ADD2: variants seen among roughly 807,000 people sequenced by gnomAD.
ADD2 encodes beta-adducin.
ADD2 carries 23 observed loss-of-function variants against 83.0 expected under a neutral mutation model. That is an observed-to-expected ratio of 0.28 (90% CI 0.20 to 0.39). ADD2 has a LOEUF of 0.39. ADD2 is among the 10% of genes least tolerant of loss of function. The pLI is 1.00. For missense variants in ADD2, 758 were observed against 944.9 expected (o/e 0.80, Z 2.59); for synonymous variants, 375 against 375.4 (o/e 1.00, Z 0.01).
At position 70,672,820 on chromosome 2, in the gene ADD2, T is replaced by C. The variant is rs1471653970; in HGVS notation, c.1870+58A>G. 1.9e-6 allele frequency: 3 copies of C among 1,548,186 alleles called. No homozygotes were observed. The African/African-American group carries it at 4.1e-5, about 21-fold the overall frequency. Reference sequence around the variant, plus strand: ...CAACACGAGTGGAAGGCAGGGCACCTTCCCAGCCTGCAGATGCACCCCTCT... The same window carrying C: ...CAACACGAGTGGAAGGCAGGGCACCCTCCCAGCCTGCAGATGCACCCCTCT... On this transcript the variant is annotated intron_variant, in intron 15 of 15. Transcript: ENST00000264436.
intron 1 of ADD2, among the ~76,000 whole-genome samples, chr2:70,758,589 G>A (rs1553384303): frequency 6.6e-6 from 1 of 152,068 alleles, no homozygotes; most frequent in Non-Finnish European, 1.5e-5. Flanking sequence ...TTAGATTTTT[G>A]TTTTAAAAAG....
chr2:70,736,778 T>G (rs1329105551), intron 1 of ADD2, among the ~76,000 whole-genome samples: 1 of 148,498 alleles, frequency 6.7e-6, no homozygotes, highest in Non-Finnish European at 1.5e-5. Flanking sequence ...GTGTTGCTGT[T>G]TTTTTTTTTT....
intron 9 of ADD2, chr2:70,687,143 T>A (rs1164795299): frequency 1.3e-5 from 2 of 152,274 alleles, no homozygotes; most frequent in Non-Finnish European, 2.9e-5. Context: ...GGGCCCCACG[T>A]CTACAGTTGA....
intron 1 of ADD2, among the ~76,000 whole-genome samples, chr2:70,717,199 G>A (rs975020769): frequency 2.6e-5 from 4 of 151,928 alleles, no homozygotes; most frequent in Non-Finnish European, 4.4e-5. Context: ...TAGGAGGGCA[G>A]CTGGAGACTA....
intron 1 of ADD2, among the ~76,000 whole-genome samples, chr2:70,723,575 A>C (rs1439877416): frequency 6.6e-6 from 1 of 152,160 alleles, no homozygotes; most frequent in Non-Finnish European, 1.5e-5. Flanking sequence ...TTTTTAGCTG[A>C]TACGCACTTT....
chr2:70,688,413 A>T (rs1403861379), intron 8 of ADD2, among the ~76,000 whole-genome samples: 1 of 152,272 alleles, frequency 6.6e-6, no homozygotes, highest in Non-Finnish European at 1.5e-5. Flanking sequence ...GAAATTGAAA[A>T]GGCATTTTAA....
chr2:70,691,422 T>A (rs1461329781), intron 7 of ADD2, among the ~76,000 whole-genome samples: 2 of 152,124 alleles, frequency 1.3e-5, no homozygotes, highest in Non-Finnish European at 2.9e-5. Flanking sequence ...AGTCCCATTT[T>A]AAAATGAATG....
chr2:70,687,065 CAT>C (rs147144226), intron 9 of ADD2: 62 of 152,464 alleles, frequency 4.1e-4, no homozygotes, highest in African/African-American at 1.4e-3. Flanking sequence ...AACGGGCCTC[CAT>C]ATGTCAGTTG....
At chr2:70,686,217 C>T (rs369373410) in intron 9 of ADD2, among the ~76,000 whole-genome samples, 1 of 152,200 alleles carries the variant, frequency 6.6e-6, no homozygotes, top group East Asian at 1.9e-4. Flanking sequence ...CTCCTCTAGG[C>T]TTTCCTGCTT....
Position 70,658,185 on chromosome 2 carries a change from G to A in ADD2, c.*5240C>T, listed in dbSNP as rs989216569. The A allele has an allele frequency of 9.9e-5, 15 of 152,164 alleles. No homozygotes were observed. Among genetic ancestry groups the A allele is most frequent in the African/African-American group, 3.1e-4 (13 of 41,430 alleles). 9.4% of individuals were successfully genotyped at this position (152,164 alleles called of 1,614,324 possible). A position where few individuals can be genotyped will look rare whatever the true frequency, so the allele number is the denominator to read the frequency against. ...AGGGAATTGTCTCTATAAAAATGAT[G>A]AAAGGTGTTCTCCACTAAGGGACAC... On this transcript the variant is annotated 3_prime_UTR_variant, in exon 16 of 16. Transcript: ENST00000264436.
chr2:70,703,972 C>A (rs1396158052), intron 4 of ADD2, among the ~76,000 whole-genome samples: 1 of 152,162 alleles, frequency 6.6e-6, no homozygotes, highest in Non-Finnish European at 1.5e-5. Flanking sequence ...TGGCTTCCTG[C>A]ATAGCCCTGG....
In ADD2 at chr2:70,663,545, G is replaced by A. The variant is rs1442438246; in HGVS notation, c.2061C>T (p.Val687=). Residue 687 remains valine, a synonymous_variant, in exon 16 of 16, where the codon GTC becomes GTT. Coordinates refer to ENST00000264436, the MANE Select transcript of ADD2 (RefSeq NM_001617.4). ...VDTSKDKTES[V]TSGPMSPEGS... is the part of the protein sequence containing the mutation. ...CCTCTGGGGACATGGGGCCGCTGGT[G>A]ACCGACTCGGTTTTGTCCTTAGAGG... 4 of 1,614,036 alleles carry A rather than the reference G, an allele frequency of 2.5e-6. No homozygotes were observed. The highest frequency in any genetic ancestry group is 2.7e-5 in the African/African-American group (2 of 74,910).
chr2:70,704,263 T>TGCCCCCCCCCCCCCCCCCCCCCACCCC, intron 4 of ADD2, 58 bp downstream of exon 4: 1 of 913,236 alleles, frequency 1.1e-6, no homozygotes, highest in Non-Finnish European at 1.7e-6. Context: ...CTCCCTCTCT[T>TGCCCCCCCCCCCCCCCCCCCCCACCCC]CCCCACCCCA....
rs1196233958 is a variant in ADD2 at position 70,660,261 on chromosome 2, C to T, written c.*3164G>A. The T allele has an allele frequency of 6.6e-6, 1 of 152,216 alleles. No homozygotes were observed. The highest frequency in any genetic ancestry group is 2.4e-5 in the African/African-American group (1 of 41,460). The allele number at this position is 152,216 out of a possible 1,614,324, so 9.4% of individuals were successfully genotyped here. A position where few individuals can be genotyped will look rare whatever the true frequency, so the allele number is the denominator to read the frequency against. ...CACCAAGACAAAATAAAACTGGAAA[C>T]ATTAGCTCTTTGAATGCTCCCCTCT... On this transcript the variant is annotated 3_prime_UTR_variant, in exon 16 of 16. Coordinates refer to ENST00000264436, the MANE Select transcript of ADD2 (RefSeq NM_001617.4).
At chr2:70,753,471 G>A (rs544687844) in intron 1 of ADD2, among the ~76,000 whole-genome samples, 1 of 152,206 alleles carries the variant, frequency 6.6e-6, no homozygotes, top group East Asian at 1.9e-4. Flanking sequence ...AAAGCCAATT[G>A]CCATGGTGGT....
Position 70,681,475 on chromosome 2 carries a change from T to C in ADD2, c.1125+2116A>G, listed in dbSNP as rs928758024. Among the ~76,000 whole-genome samples, 6 of 152,104 alleles carry C rather than the reference T, an allele frequency of 3.9e-5. No individual in the cohort carries two copies. The East Asian group carries it at 1.2e-3, about 29-fold the overall frequency. On this transcript the variant is annotated intron_variant, in intron 10 of 15. Transcript: ENST00000264436. ...CCAGGAATCTTTGAAAAACCCCCTT[T>C]GAAAAATCCCTAACCTCTGAGGCTT... is the stretch of plus-strand genomic sequence containing the variant.
At chr2:70,705,550 G>A (rs1201049435) in intron 3 of ADD2, among the ~76,000 whole-genome samples, 1 of 152,214 alleles carries the variant, frequency 6.6e-6, no homozygotes, top group African/African-American at 2.4e-5. Context: ...CCACCACAGT[G>A]ATCTCCCTCT....
chr2:70,659,380 A>G lies in ADD2; in HGVS notation c.*4045T>C, dbSNP rs1475057291. 7 of 152,194 alleles carry G rather than the reference A, an allele frequency of 4.6e-5. No homozygotes were observed. The highest frequency in any genetic ancestry group is 1.7e-4 in the African/African-American group (7 of 41,434). The allele number at this position is 152,194 out of a possible 1,614,324, so 9.4% of individuals were successfully genotyped here. A position where few individuals can be genotyped will look rare whatever the true frequency, so the allele number is the denominator to read the frequency against. On this transcript the variant is annotated 3_prime_UTR_variant, in exon 16 of 16. Coordinates refer to ENST00000264436, the MANE Select transcript of ADD2 (RefSeq NM_001617.4). ...CACTAGCAGTAGCCCTGCTACAACA[A>G]TGCCAAACATCTGAATGACTGTCTT...
At chr2:70,664,767 A>AAGTGTGAG (rs1675697410) in intron 15 of ADD2, among the ~76,000 whole-genome samples, 1 of 136,842 alleles carries the variant, frequency 7.3e-6, no homozygotes, top group Non-Finnish European at 1.6e-5. Flanking sequence ...GAGGGTGTGC[A>AAGTGTGAG]AGTGTGAGTG....
Sources: gnomAD v4.1 joint callset for allele counts (sites outside exome capture counted in the v4.1 genomes callset) on GRCh38, gnomAD v4.1.1 for gene constraint, MANE v1.5 for transcripts, NCBI Gene and HGNC (gene_info 2026-07-23, HGNC 2026-07-21) for gene names.